FGF1: variants seen among roughly 807,000 people sequenced by gnomAD.
FGF1 encodes beta-endothelial cell growth factor.
In FGF1, 9 loss-of-function variants were observed where a neutral mutation model predicts 13.4. The observed-to-expected ratio is 0.67, with a 90% CI of 0.40 to 1.17. The LOEUF (loss-of-function observed/expected upper bound fraction) is 1.17, where lower values mean the gene tolerates loss of function less well. Among genes scored for constraint, FGF1 ranks in the 50% most tolerant of loss-of-function variants. The pLI is 0.01. For synonymous variants in FGF1, 93 were observed against 79.0 expected, an observed-to-expected ratio of 1.18 and a Z score of -0.94; for missense variants, 156 against 192.7, an observed-to-expected ratio of 0.81 and a Z score of 1.13.
At chr5:142,690,614 A>G (rs971144426), upstream of FGF1, among the ~76,000 whole-genome samples, 4 of 152,216 alleles carry the variant, frequency 2.6e-5, no homozygotes, top group African/African-American at 7.2e-5. Flanking sequence ...ACATTGGTCT[A>G]GTTCATCCAA....
chr5:142,617,441 G>A (rs1376620693), intron 1 of FGF1, among the ~76,000 whole-genome samples: 1 of 152,052 alleles, frequency 6.6e-6, no homozygotes, highest in Non-Finnish European at 1.5e-5. Flanking sequence ...CTTCATCACT[G>A]TGGAGTTTTC....
chr5:142,692,962 A>G (rs545816058), intron 2 of FGF1, among the ~76,000 whole-genome samples: 2 of 152,336 alleles, frequency 1.3e-5, no homozygotes, highest in Admixed American at 1.3e-4. Context: ...AAGATTTATA[A>G]TCTTAGAATG....
intron 1 of FGF1, among the ~76,000 whole-genome samples, chr5:142,651,009 G>A (rs1597329821): frequency 1.3e-5 from 2 of 152,282 alleles, no homozygotes; most frequent in East Asian, 1.9e-4. Flanking sequence ...AGAGCCAAGT[G>A]TGTTAATGGG....
chr5:142,682,086 T>C (rs1454524867), intron 1 of FGF1, among the ~76,000 whole-genome samples: 1 of 79,568 alleles, frequency 1.3e-5, no homozygotes, highest in Non-Finnish European at 3.1e-5. Context: ...TTCTCCTCTA[T>C]TTTTTTTTTT....
intron 1 of FGF1, among the ~76,000 whole-genome samples, chr5:142,663,278 A>G (rs1190193975): frequency 2.6e-5 from 4 of 152,004 alleles, no homozygotes; most frequent in Non-Finnish European, 5.9e-5. Flanking sequence ...AAAGATAATG[A>G]GCTTTTCCAG....
At chr5:142,677,945 CT>C (rs1772957168) in intron 1 of FGF1, among the ~76,000 whole-genome samples, 1 of 152,038 alleles carries the variant, frequency 6.6e-6, no homozygotes, top group African/African-American at 2.4e-5. Context: ...ACAGGGAAAA[CT>C]TTTGGAGGAA....
rs1016677848 is a variant in FGF1, at chr5:142,600,731, T to A, written c.244A>T (p.Met82Leu). Residue 82 changes from methionine (M) to leucine (L), a missense_variant, in exon 3 of 4, where the codon ATG becomes TTG. By Grantham distance (15) the Met-to-Leu change is conservative. Transcript: ENST00000337706. ...KSTETGQYLA[M>L]DTDGLLYGSQ... ...CCGTATAAAAGCCCGTCGGTGTCCA[T>A]GGCCAAGTACTGGCCAGTCTCGGTA... The A allele has an allele frequency of 1.9e-6, 3 of 1,613,814 alleles. No homozygotes were observed. The highest frequency in any genetic ancestry group is 1.3e-5 in the African/African-American group (1 of 75,016).
At chr5:142,669,354 A>G (rs939435680) in intron 1 of FGF1, among the ~76,000 whole-genome samples, 1 of 152,170 alleles carries the variant, frequency 6.6e-6, no homozygotes, top group Admixed American at 6.5e-5. Context: ...CTAGACTACA[A>G]GCCAGTCGAG....
intron 1 of FGF1, among the ~76,000 whole-genome samples, chr5:142,663,131 T>C (rs1769590104): frequency 6.6e-6 from 1 of 151,920 alleles, no homozygotes; most frequent in African/African-American, 2.4e-5. Flanking sequence ...GCATACAAAA[T>C]GTTTTAAAGT....
intron 1 of FGF1, among the ~76,000 whole-genome samples, chr5:142,671,545 G>A (rs192846340): frequency 2.4e-4 from 37 of 152,286 alleles, no homozygotes; most frequent in African/African-American, 7.2e-4. Flanking sequence ...CTGGTTCTTC[G>A]TAAGGAAGAG....
At chr5:142,691,742 C>T (rs1385417971) in intron 2 of FGF1, among the ~76,000 whole-genome samples, 1 of 152,176 alleles carries the variant, frequency 6.6e-6, no homozygotes, top group Non-Finnish European at 1.5e-5. Flanking sequence ...AAGTTTCTAA[C>T]TGCTGCTACT....
chr5:142,628,960 T>C (rs249917), intron 1 of FGF1, among the ~76,000 whole-genome samples: 79,249 of 151,866 alleles, frequency 0.52, 21,140 homozygotes, highest in Non-Finnish European at 0.58. Context: ...CTTATGAAGT[T>C]TGATAAATCT....
chr5:142,606,037 C>T (rs10476841), intron 2 of FGF1, among the ~76,000 whole-genome samples: 5 of 88,826 alleles, frequency 5.6e-5, no homozygotes, highest in Non-Finnish European at 1.5e-4. Context: ...ACATATTCAT[C>T]TACTAGGTGC....
At chr5:142,597,906 A>G (rs960397611) in intron 3 of FGF1, among the ~76,000 whole-genome samples, 1 of 152,258 alleles carries the variant, frequency 6.6e-6, no homozygotes, top group Non-Finnish European at 1.5e-5. Flanking sequence ...AATATAAAGC[A>G]GTCAGTAAAG....
rs369793912 is a variant in FGF1 at position 142,652,496 on chromosome 5, C to T, written c.-35+33461G>A. On this transcript the variant is annotated intron_variant, in intron 1 of 3. Coordinates refer to ENST00000337706, the MANE Select transcript of FGF1 (RefSeq NM_000800.5). ...CTAGGCCCTTCCTGTGTAGGTCATC[C>T]CATTCAAGGCCCCTCACAAGGACCC... is the stretch of plus-strand genomic sequence containing the variant. 7.9e-5 allele frequency among the ~76,000 whole-genome samples: 12 copies of T among 152,082 alleles called. No individual in the cohort carries two copies. The East Asian group carries it at 1.6e-3, about 20-fold the overall frequency.
At chr5:142,625,497 T>C (rs1441953243) in intron 1 of FGF1, among the ~76,000 whole-genome samples, 1 of 152,204 alleles carries the variant, frequency 6.6e-6, no homozygotes, top group African/African-American at 2.4e-5. Context: ...GAGAAAACAG[T>C]ATCCACTCCA....
chr5:142,681,834 C>T (rs1238960320), intron 1 of FGF1, among the ~76,000 whole-genome samples: 11 of 152,150 alleles, frequency 7.2e-5, no homozygotes, highest in South Asian at 6.2e-4. Context: ...TTATATGCAG[C>T]GTTGTCATGA....
chr5:142,595,247 C>T lies in FGF1; in HGVS notation c.*43G>A. ...TTTTGGGTCAACCAGGTGAGGACCC[C>T]TCGAAACTTCTCTGGAGTGGTCAAC... On this transcript the variant is annotated 3_prime_UTR_variant, in exon 4 of 4. Coordinates refer to ENST00000337706, the MANE Select transcript of FGF1 (RefSeq NM_000800.5). The T allele has an allele frequency of 6.4e-7, 1 of 1,570,662 alleles. No individual in the cohort carries two copies. Among genetic ancestry groups the T allele is most frequent in the Non-Finnish European group, 8.7e-7 (1 of 1,153,950 alleles).
intron 1 of FGF1, among the ~76,000 whole-genome samples, chr5:142,625,797 G>A (rs548216093): frequency 6.6e-6 from 1 of 152,338 alleles, no homozygotes; most frequent in Admixed American, 6.5e-5. Flanking sequence ...CTGTTGTTGT[G>A]CAAGTTACAA....
Sources: allele counts gnomAD v4.1 joint callset (sites outside exome capture counted in the v4.1 genomes callset), GRCh38; gene constraint gnomAD v4.1.1; transcripts MANE v1.5; gene names NCBI Gene and HGNC (gene_info 2026-07-23, HGNC 2026-07-21).